KIF27: variants seen among roughly 807,000 people sequenced by gnomAD.
The protein encoded by KIF27 is kinesin family member 27, also known as kinesin-like protein KIF27.
KIF27 carries 84 observed loss-of-function variants against 141.8 expected under a neutral mutation model. The observed-to-expected ratio is 0.59, with a 90% CI of 0.50 to 0.71. The LOEUF is 0.71. Among genes scored for constraint, KIF27 ranks in the 30% least tolerant of loss-of-function variants. The pLI is 0.00. For synonymous variants in KIF27, 471 were observed against 569.5 expected, an observed-to-expected ratio of 0.83 and a Z score of 2.46; for missense variants, 1,306 against 1,628.4, an observed-to-expected ratio of 0.80 and a Z score of 3.41.
In KIF27 at chr9:83,875,552, G is replaced by C. The variant is rs117094547; in HGVS notation, c.2643+4745C>G. Among the ~76,000 whole-genome samples, 20 of 152,226 alleles carry C rather than the reference G, an allele frequency of 1.3e-4. No individual in the cohort carries two copies. In the South Asian group the frequency reaches 4.2e-3, roughly 32 times the overall value. ...GGAAAAGTATCCTATACTCACCTAG[G>C]ATGGAGTATAGAAGAGGGCAGAGAC... On this transcript the variant is annotated intron_variant, in intron 11 of 17. Transcript: ENST00000297814.
At chr9:83,843,698 A>G (rs73463303) in intron 16 of KIF27, among the ~76,000 whole-genome samples, 20,349 of 152,160 alleles carry the variant, frequency 0.13, 1,448 homozygotes, top group African/African-American at 0.14. Context: ...ATTGTCAGTT[A>G]TAACTTTGTT....
chr9:83,853,921 G>C (rs1161330188), intron 14 of KIF27, 86 bp from the exon 15 acceptor site: 16 of 989,684 alleles, frequency 1.6e-5, no homozygotes, highest in African/African-American at 9.8e-5. Flanking sequence ...AGCTATTTGA[G>C]TCTAATGGAT....
chr9:83,867,654 C>A (rs200339689), intron 13 of KIF27, 30 bp downstream of exon 13: 1 of 1,556,814 alleles, frequency 6.4e-7, no homozygotes, highest in East Asian at 2.3e-5. Context: ...GGTTTACAAC[C>A]AGAATCAAGT....
rs1948874571 is a variant in KIF27, at chr9:83,853,796, C to T, written c.3190G>A (p.Ala1064Thr). ...CTGTATTCAATTGCAGCTTCCAAAGCTTCAATCCCTTCTTCAAGTTGGAAA... is the reference window on the plus strand; with the variant it reads ...CTGTATTCAATTGCAGCTTCCAAAGTTTCAATCCCTTCTTCAAGTTGGAAA... ...VLFQLEEGIE[A>T]LEAAIEYRNE... The change falls in exon 15 of 18, where the codon GCT becomes ACT. Residue 1064 changes from alanine to threonine, a missense_variant. Around this residue, in one of 4 missense-constraint regions of KIF27, gnomAD observed 596 missense variants for 751.6 expected, o/e 0.79. Coordinates refer to ENST00000297814, the MANE Select transcript of KIF27 (RefSeq NM_017576.4). 18 of 1,613,374 alleles carry T rather than the reference C, an allele frequency of 1.1e-5. No individual in the cohort carries two copies. Among genetic ancestry groups the T allele is most frequent in the East Asian group, 4.5e-5 (2 of 44,854 alleles).
rs11140280 is a variant in KIF27, at chr9:83,874,391, T to G, written c.2644-3759A>C. ...GAACTACCGCTCTGAAGAGAACCTA[T>G]GCAGAAGTTGTACTATTCTTTGGAA... On this transcript the variant is annotated intron_variant, in intron 11 of 17. Transcript: ENST00000297814. Among the ~76,000 whole-genome samples the G allele has an allele frequency of 8.0e-3, 1,216 of 152,310 alleles. 32 individuals carry two copies. Among genetic ancestry groups the G allele is most frequent in the East Asian group, 0.037 (191 of 5,180 alleles).
intron 4 of KIF27, among the ~76,000 whole-genome samples, chr9:83,902,292 A>C (rs1181264554): frequency 6.6e-6 from 1 of 152,206 alleles, no homozygotes. Flanking sequence ...AAATGGACAG[A>C]ACCATGGAAG....
Position 83,914,143 on chromosome 9 carries a change from G to C in KIF27, c.298+1151C>G, listed in dbSNP as rs960572400. Reference sequence around the variant, plus strand: ...AGCTATAATTAAGTCACCAGCTTCTGAACATTTATAACTCCTATTGGTATA... The same window carrying C: ...AGCTATAATTAAGTCACCAGCTTCTCAACATTTATAACTCCTATTGGTATA... On this transcript the variant is annotated intron_variant, in intron 2 of 17. Transcript: ENST00000297814. Among the ~76,000 whole-genome samples, 15 of 148,228 alleles carry C rather than the reference G, an allele frequency of 1.0e-4. No individual in the cohort carries two copies. In the South Asian group the frequency reaches 1.9e-3, roughly 19 times the overall value.
At chr9:83,838,273 G>A (rs1335193811) in intron 17 of KIF27, among the ~76,000 whole-genome samples, 2 of 151,444 alleles carry the variant, frequency 1.3e-5, no homozygotes, top group African/African-American at 4.9e-5. Flanking sequence ...TCGCTCTGTC[G>A]CCCAGGTTGG....
At chr9:83,895,676 A>G (rs919581117) in intron 5 of KIF27, among the ~76,000 whole-genome samples, 1 of 151,992 alleles carries the variant, frequency 6.6e-6, no homozygotes, top group Non-Finnish European at 1.5e-5. Flanking sequence ...AAGGATTATA[A>G]AGGAAGAAAT....
Position 83,850,168 on chromosome 9 carries a change from C to T in KIF27, c.3487G>A (p.Asp1163Asn). The T allele has an allele frequency of 6.2e-7, 1 of 1,613,802 alleles. No homozygotes were observed. Among genetic ancestry groups the T allele is most frequent in the Non-Finnish European group, 8.5e-7 (1 of 1,179,736 alleles). The change falls in exon 16 of 18, where the codon GAC becomes AAC. Residue 1163 changes from aspartate (D) to asparagine (N), a missense_variant. By Grantham distance (23) the Asp-to-Asn change is conservative. Transcript: ENST00000297814. ...SALDHLKLQC[D>N]RRLTLQQKEH... ...TTTTGCTGGAGGGTCAGTCTCCGGTCACACTGCAATTTTAGATGGTCCAGT... is the reference window on the plus strand; with the variant it reads ...TTTTGCTGGAGGGTCAGTCTCCGGTTACACTGCAATTTTAGATGGTCCAGT...
rs539005005 is a variant in KIF27, at chr9:83,835,796, A to G, written c.*1205T>C. 3.9e-5 allele frequency: 6 copies of G among 152,368 alleles called. No homozygotes were observed. In the South Asian group the frequency reaches 1.2e-3, roughly 32 times the overall value. 9.4% of individuals were successfully genotyped at this position (152,368 alleles called of 1,614,324 possible). The stretch of plus-strand genomic sequence containing the variant: ...ATCCATGTCAGGATGGTTTTGCTAC[A>G]GCCCCCAACAAAACATTAATTAGTT... On this transcript the variant is annotated 3_prime_UTR_variant, in exon 18 of 18. Transcript: ENST00000297814.
In KIF27 at chr9:83,850,231, G is replaced by C; in HGVS notation, c.3424C>G (p.Leu1142Val). The C allele has an allele frequency of 6.2e-7, 1 of 1,613,562 alleles. No homozygotes were observed. The highest frequency in any genetic ancestry group is 1.1e-5 in the South Asian group (1 of 91,070). The change falls in exon 16 of 18, where the codon CTG (leucine) becomes GTG (valine). Residue 1142 changes from leucine to valine, a missense_variant. This residue lies in a region of KIF27 where 596 missense variants were observed against 751.6 expected (regional missense o/e 0.79). Transcript: ENST00000297814. ...TCACGAACCATATTATCCCGTTCCA[G>C]AACTTTCATTTTCATTTCTTCATTA... is the stretch of plus-strand genomic sequence containing the variant. ...LYNEEMKMKV[L>V]ERDNMVRELE...
At chr9:83,853,899 C>T (rs1948888659) in intron 14 of KIF27, 64 bp from the exon 15 acceptor site, 2 of 1,195,286 alleles carry the variant, frequency 1.7e-6, no homozygotes, top group Admixed American at 1.8e-5. Flanking sequence ...GTCATATACT[C>T]AGATCCTCCT....
intron 2 of KIF27, among the ~76,000 whole-genome samples, chr9:83,912,448 T>C (rs1435926329): frequency 1.3e-5 from 2 of 152,194 alleles, no homozygotes; most frequent in African/African-American, 2.4e-5. Flanking sequence ...TAAGAGCTTA[T>C]AGGAACTAGC....
intron 14 of KIF27, among the ~76,000 whole-genome samples, chr9:83,855,523 G>A (rs1184744520): frequency 6.6e-6 from 1 of 152,104 alleles, no homozygotes; most frequent in Non-Finnish European, 1.5e-5. Context: ...TGAATAAGAG[G>A]AGCCACAAAT....
chr9:83,853,662 C>T lies in KIF27; in HGVS notation c.3324G>A (p.Glu1108=), dbSNP rs1484154428. The change falls in exon 15 of 18, where the codon GAG becomes GAA. Residue 1108 remains glutamate, a synonymous_variant. Transcript: ENST00000297814. ...AATATCTGAAAAGAATAGTTCTAAT[C>T]TCAACAGGACTCAGGCAAGCTAGCT... ...LEKLACLSPV[E]IRTILFRYFN... is the part of the protein sequence containing the mutation. The T allele has an allele frequency of 6.2e-7, 1 of 1,613,640 alleles. No homozygotes were observed. Among genetic ancestry groups the T allele is most frequent in the Non-Finnish European group, 8.5e-7 (1 of 1,179,766 alleles).
intron 12 of KIF27, chr9:83,868,619 C>G (rs1950547305): frequency 6.6e-6 from 1 of 152,184 alleles, no homozygotes; most frequent in Admixed American, 6.6e-5. Context: ...AAAAGGAACT[C>G]TACCAAGTGG....
intron 15 of KIF27, among the ~76,000 whole-genome samples, chr9:83,851,497 A>G (rs1948581151): frequency 6.6e-6 from 1 of 152,160 alleles, no homozygotes; most frequent in Non-Finnish European, 1.5e-5. Context: ...GACCACAGGT[A>G]CATGCCATCA....
At chr9:83,846,742 A>G (rs1333538746) in intron 16 of KIF27, among the ~76,000 whole-genome samples, 2 of 152,152 alleles carry the variant, frequency 1.3e-5, no homozygotes, top group Non-Finnish European at 2.9e-5. Context: ...TGTTCCCGCA[A>G]TATTATGTTC....
Sources: allele counts gnomAD v4.1 joint callset (sites outside exome capture counted in the v4.1 genomes callset), GRCh38; gene constraint gnomAD v4.1.1; regional missense constraint gnomAD v4.1.1; transcripts MANE v1.5; gene names NCBI Gene and HGNC (gene_info 2026-07-23, HGNC 2026-07-21).